CHRM3: variants seen among roughly 807,000 people sequenced by gnomAD.
CHRM3 encodes the protein muscarinic acetylcholine receptor M3.
A neutral mutation model predicts 41.8 loss-of-function variants in CHRM3; 11 were observed. That is an observed-to-expected ratio of 0.26 (90% CI 0.17 to 0.44). The LOEUF is 0.44. CHRM3 is among the 20% of genes least tolerant of loss of function. CHRM3 has a pLI of 1.00. For synonymous variants in CHRM3, 297 were observed against 301.4 expected (o/e 0.99, Z 0.15); for missense variants, 571 against 745.4 (o/e 0.77, Z 2.72).
At chr1:239,398,838 CT>C (rs1356843353) in intron 1 of CHRM3, among the ~76,000 whole-genome samples, 37 of 151,972 alleles carry the variant, frequency 2.4e-4, no homozygotes, top group African/African-American at 8.5e-4. Context: ...TTTTCTTAAC[CT>C]TTCAGTTTTA....
chr1:239,580,301 C>CACACACACACAT (rs1553332567), intron 3 of CHRM3, among the ~76,000 whole-genome samples: 2 of 139,092 alleles, frequency 1.4e-5, no homozygotes, highest in Admixed American at 7.1e-5. Context: ...CACACACACA[C>CACACACACACAT]ACACACATCA....
intron 1 of CHRM3, among the ~76,000 whole-genome samples, chr1:239,426,532 G>A (rs886262496): frequency 6.6e-6 from 1 of 151,758 alleles, no homozygotes; most frequent in African/African-American, 2.4e-5. Context: ...AGATGAGTGG[G>A]TTCAATGTAT....
At chr1:239,824,977 C>A (rs1178116923) in intron 5 of CHRM3, among the ~76,000 whole-genome samples, 1 of 152,214 alleles carries the variant, frequency 6.6e-6, no homozygotes, top group Admixed American at 6.5e-5. Flanking sequence ...TGGCAATCAT[C>A]CTTAGCAGTT....
At chr1:239,561,115 G>A (rs1269709243) in intron 3 of CHRM3, among the ~76,000 whole-genome samples, 1 of 152,148 alleles carries the variant, frequency 6.6e-6, no homozygotes, top group African/African-American at 2.4e-5. Context: ...AGTGTAGGTA[G>A]TAACCTTTCA....
chr1:239,396,676 A>G (rs1020476192), intron 1 of CHRM3, among the ~76,000 whole-genome samples: 1 of 152,212 alleles, frequency 6.6e-6, no homozygotes. Flanking sequence ...ATGTCATACA[A>G]AAATTCAAAC....
rs148161087 is a variant in CHRM3 at position 239,544,696 on chromosome 1, A to G, written c.-421-945A>G. On this transcript the variant is annotated intron_variant, in intron 2 of 6. Transcript: ENST00000676153. ...CATCACGTATTTGTATGTGCCAGGCACTATATTTCAAAGCGAGATCTCACT... is the reference window on the plus strand; with the variant it reads ...CATCACGTATTTGTATGTGCCAGGCGCTATATTTCAAAGCGAGATCTCACT... Among the ~76,000 whole-genome samples, 432 of 152,260 alleles carry G rather than the reference A, an allele frequency of 2.8e-3. 1 individual carries two copies. Among genetic ancestry groups the G allele is most frequent in the African/African-American group, 9.8e-3 (409 of 41,534 alleles).
intron 6 of CHRM3, among the ~76,000 whole-genome samples, chr1:239,836,776 G>A (rs1673355963): frequency 6.6e-6 from 1 of 152,144 alleles, no homozygotes; most frequent in Admixed American, 6.5e-5. Context: ...AAGAGATCGA[G>A]ACCATCTGGA....
At chr1:239,664,019 C>T (rs1268763525) in intron 4 of CHRM3, among the ~76,000 whole-genome samples, 1 of 152,128 alleles carries the variant, frequency 6.6e-6, no homozygotes, top group Non-Finnish European at 1.5e-5. Flanking sequence ...AACCAAGTTT[C>T]CCAAATGGGA....
At chr1:239,880,793 A>C (rs1371995922) in intron 6 of CHRM3, among the ~76,000 whole-genome samples, 1 of 152,148 alleles carries the variant, frequency 6.6e-6, no homozygotes, top group Non-Finnish European at 1.5e-5. Flanking sequence ...CACCGTGCCC[A>C]GCCAGCCATG....
intron 6 of CHRM3, among the ~76,000 whole-genome samples, chr1:239,850,102 A>G (rs1392488233): frequency 1.3e-5 from 2 of 152,166 alleles, no homozygotes; most frequent in African/African-American, 4.8e-5. Context: ...TTTACTGTTG[A>G]CAGGAAGCCT....
chr1:239,636,723 C>T (rs987027178), intron 4 of CHRM3, among the ~76,000 whole-genome samples: 1 of 152,086 alleles, frequency 6.6e-6, no homozygotes, highest in Non-Finnish European at 1.5e-5. Context: ...TAAAATTGTG[C>T]AAAGGAAGGG....
At chr1:239,400,430 T>C (rs1014767601) in intron 1 of CHRM3, among the ~76,000 whole-genome samples, 1 of 152,214 alleles carries the variant, frequency 6.6e-6, no homozygotes, top group Non-Finnish European at 1.5e-5. Flanking sequence ...TATTTTTTCC[T>C]TTGCCATGCA....
intron 1 of CHRM3, among the ~76,000 whole-genome samples, chr1:239,424,934 C>T (rs1662251351): frequency 6.6e-6 from 1 of 152,174 alleles, no homozygotes; most frequent in South Asian, 2.1e-4. Context: ...TCAAATGTTC[C>T]CATTGGCATT....
intron 4 of CHRM3, among the ~76,000 whole-genome samples, chr1:239,646,987 C>T (rs1223097943): frequency 6.6e-6 from 1 of 152,168 alleles, no homozygotes; most frequent in East Asian, 1.9e-4. Flanking sequence ...ACTCAGAAGA[C>T]ACCACAAAGA....
chr1:239,798,934 C>T (rs1669996362), intron 5 of CHRM3, among the ~76,000 whole-genome samples: 1 of 152,086 alleles, frequency 6.6e-6, no homozygotes, highest in Non-Finnish European at 1.5e-5. Context: ...GCATTTGCAG[C>T]GAAGCGTTGT....
At chr1:239,605,052 A>G (rs1434520686) in intron 3 of CHRM3, among the ~76,000 whole-genome samples, 3 of 152,144 alleles carry the variant, frequency 2.0e-5, no homozygotes, top group Admixed American at 6.5e-5. Flanking sequence ...TGCAATTTTA[A>G]TAGAGAAATT....
intron 3 of CHRM3, among the ~76,000 whole-genome samples, chr1:239,554,750 G>A (rs1257752191): frequency 4.2e-5 from 4 of 95,330 alleles, no homozygotes; most frequent in East Asian, 7.3e-4. Context: ...TTTTTTTTTA[G>A]ATGGAGTCTC....
intron 2 of CHRM3, among the ~76,000 whole-genome samples, chr1:239,507,761 G>A (rs189173975): frequency 7.4e-4 from 112 of 152,272 alleles, no homozygotes; most frequent in African/African-American, 2.6e-3. Flanking sequence ...GTGCTTGCTG[G>A]ACTGTTAAAA....
chr1:239,558,497 C>A (rs555618139), intron 3 of CHRM3, among the ~76,000 whole-genome samples: 1 of 152,170 alleles, frequency 6.6e-6, no homozygotes, highest in African/African-American at 2.4e-5. Context: ...CTTGTATTCA[C>A]CTAACATACA....
Sources: gnomAD v4.1 joint callset for allele counts (sites outside exome capture counted in the v4.1 genomes callset) on GRCh38, gnomAD v4.1.1 for gene constraint, MANE v1.5 for transcripts, NCBI Gene and HGNC (gene_info 2026-07-23, HGNC 2026-07-21) for gene names.